The following ACSM6 variants were observed in gnomAD, a reference collection of about 807,000 sequenced individuals.
ACSM6 encodes acyl-coenzyme A synthetase ACSM6, mitochondrial.
A neutral mutation model predicts 51.1 loss-of-function variants in ACSM6; 35 were observed. That is an observed-to-expected ratio of 0.69 (90% CI 0.52 to 0.91). ACSM6 has a LOEUF of 0.91. ACSM6 is among the 40% of genes least tolerant of loss of function. ACSM6 has a pLI of 0.00. For missense variants in ACSM6, 509 were observed against 584.1 expected (o/e 0.87, Z 1.32); for synonymous variants, 172 against 207.3 (o/e 0.83, Z 1.46).
intron 2 of ACSM6, among the ~76,000 whole-genome samples, chr10:95,201,201 C>T (rs2034790880): frequency 6.6e-6 from 1 of 152,116 alleles, no homozygotes; most frequent in Non-Finnish European, 1.5e-5. Flanking sequence ...TCAGGAGGTG[C>T]ATGTGCAGGT....
At chr10:95,213,493 A>T (rs2034915292) in intron 7 of ACSM6, among the ~76,000 whole-genome samples, 1 of 152,202 alleles carries the variant, frequency 6.6e-6, no homozygotes, top group Non-Finnish European at 1.5e-5. Context: ...TGTTTATATC[A>T]TAGTGAAACT....
At chr10:95,212,203 C>T (rs910097717) in intron 6 of ACSM6, among the ~76,000 whole-genome samples, 169 bp downstream of exon 6, 3 of 152,040 alleles carry the variant, frequency 2.0e-5, no homozygotes, top group African/African-American at 7.2e-5. Context: ...CTCTCTCTTC[C>T]CTAGGGGCTT....
chr10:95,212,780 C>T lies in ACSM6; in HGVS notation c.913-78C>T, dbSNP rs570451959. 1.8e-4 allele frequency: 216 copies of T among 1,171,122 alleles called. 3 individuals carry two copies. The South Asian group carries it at 2.1e-3, about 11-fold the overall frequency. 72.5% of individuals were successfully genotyped at this position (1,171,122 alleles called of 1,614,324 possible). ...TGTGACCCTCTTCCCTGGACTTTCCCGCCTGGACCCCTGCCACAGTCTCAC... is the reference window on the plus strand; with the variant it reads ...TGTGACCCTCTTCCCTGGACTTTCCTGCCTGGACCCCTGCCACAGTCTCAC... On this transcript the variant is annotated intron_variant, in intron 6 of 10. Coordinates refer to ENST00000341686, the Ensembl canonical transcript of ACSM6.
rs111991711 is a variant in ACSM6 at position 95,217,624 on chromosome 10, A to T, written c.1120-2267A>T. Among the ~76,000 whole-genome samples the T allele has an allele frequency of 8.1e-3, 1,230 of 152,330 alleles. 26 individuals carry two copies. Among genetic ancestry groups the T allele is most frequent in the African/African-American group, 0.028 (1,177 of 41,576 alleles). On this transcript the variant is annotated intron_variant, in intron 8 of 10. Coordinates refer to ENST00000341686, the Ensembl canonical transcript of ACSM6. ...GAATTCCATAATCTTGGTAACACCA[A>T]AGCCTTTTTATAGGACTTAGTTCTG...
chr10:95,212,189 T>C (rs1450707307), intron 6 of ACSM6, among the ~76,000 whole-genome samples, 155 bp downstream of exon 6: 1 of 152,192 alleles, frequency 6.6e-6, no homozygotes. Context: ...GTGAGAGCAA[T>C]GCTCTCTCTC....
At chr10:95,226,900 T>C (rs1361129056) in intron 10 of ACSM6, among the ~76,000 whole-genome samples, 6 of 152,218 alleles carry the variant, frequency 3.9e-5, no homozygotes, top group Admixed American at 3.9e-4. Context: ...TGTCTTGTTT[T>C]ATAAAAGTGG....
rs112354911 is a variant in ACSM6, at chr10:95,202,020, G to C, written c.228G>C (p.Lys76Asn). ...GAGGGCCTTACCCCGCCCTCTGGAA[G>C]GTTAGTGCCAAAGGAGAAGAGGACA... Residue 76 changes from lysine (K) to asparagine (N), a missense_variant, in exon 3 of 11, where the codon AAG (lysine) becomes AAC (asparagine). By Grantham distance (94) the Lys-to-Asn change is moderately conservative. Coordinates refer to ENST00000341686, the Ensembl canonical transcript of ACSM6. 1.6e-3 allele frequency: 2,515 copies of C among 1,551,742 alleles called. 52 individuals are homozygous for C. In the African/African-American group the frequency reaches 0.031, roughly 19 times the overall value.
intron 2 of ACSM6, among the ~76,000 whole-genome samples, chr10:95,198,883 C>T (rs886522214): frequency 9.8e-5 from 15 of 152,300 alleles, no homozygotes; most frequent in Non-Finnish European, 2.1e-4. Context: ...ACATTCCATG[C>T]TCACGGGTAG....
chr10:95,213,935 A>C (rs756659865), intron 7 of ACSM6, among the ~76,000 whole-genome samples: 1 of 152,226 alleles, frequency 6.6e-6, no homozygotes, highest in Non-Finnish European at 1.5e-5. Flanking sequence ...CATTTTGTGG[A>C]GCAGTTAAAA....
chr10:95,201,650 TTTC>T, intron 2 of ACSM6: 1 of 484,292 alleles, frequency 2.1e-6, no homozygotes, highest in Non-Finnish European at 4.0e-6. Flanking sequence ...TATATAATGA[TTTC>T]TTTTCTTTTG....
intron 2 of ACSM6, among the ~76,000 whole-genome samples, chr10:95,196,230 C>A (rs2034723674): frequency 6.6e-6 from 1 of 152,148 alleles, no homozygotes; most frequent in Non-Finnish European, 1.5e-5. Flanking sequence ...AGACAAAGGC[C>A]CAGCTGGGCC....
At chr10:95,222,621 CAAAA>C (rs1196424902) in intron 9 of ACSM6, among the ~76,000 whole-genome samples, 1 of 85,628 alleles carries the variant, frequency 1.2e-5, no homozygotes. Context: ...AGATCTGTCT[CAAAA>C]AAAAAAAAAA....
intron 4 of ACSM6, among the ~76,000 whole-genome samples, chr10:95,208,780 T>G (rs890144349): frequency 6.6e-6 from 1 of 152,002 alleles, no homozygotes; most frequent in Non-Finnish European, 1.5e-5. Flanking sequence ...GGAAAAAGCA[T>G]AGTGTATATA....
rs926052736 is a variant in ACSM6, at chr10:95,194,455, A to G, written c.-21-10A>G. On this transcript the variant is annotated splice_polypyrimidine_tract_variant and intron_variant, in intron 1 of 10. Coordinates refer to ENST00000341686, the Ensembl canonical transcript of ACSM6. ...TCAATTACTCCCTGTCTTTTCCTCA[A>G]TTTACCTAGGTGGTTCCCTGTCTGA... The G allele has an allele frequency of 2.6e-6, 4 of 1,544,132 alleles. No homozygotes were observed. The African/African-American group carries it at 4.1e-5, about 16-fold the overall frequency.
At chr10:95,221,346 G>A (rs2034993462) in intron 9 of ACSM6, among the ~76,000 whole-genome samples, 1 of 152,124 alleles carries the variant, frequency 6.6e-6, no homozygotes, top group Non-Finnish European at 1.5e-5. Flanking sequence ...CAGCACTTTC[G>A]GAGGCCGAGG....
chr10:95,228,811 G>A, exon 11 of ACSM6: 1 of 1,543,382 alleles, frequency 6.5e-7, no homozygotes, highest in Non-Finnish European at 8.8e-7. Context: ...TATTGAGCCT[G>A]GGGCTGTGGG....
intron 3 of ACSM6, among the ~76,000 whole-genome samples, chr10:95,205,153 T>A (rs1043833985): frequency 6.6e-6 from 1 of 152,222 alleles, no homozygotes; most frequent in African/African-American, 2.4e-5. Flanking sequence ...CAACATTATA[T>A]CTGTAAACAA....
chr10:95,227,766 G>GA (rs761093950), intron 10 of ACSM6, among the ~76,000 whole-genome samples: 3 of 152,322 alleles, frequency 2.0e-5, no homozygotes, highest in South Asian at 2.1e-4. Context: ...ATGGCAATGA[G>GA]TCAAATGCTG....
At position 95,200,673 on chromosome 10, in the gene ACSM6, C is replaced by T. The variant is rs1589490773; in HGVS notation, c.193-1312C>T. Among the ~76,000 whole-genome samples, 4 of 151,158 alleles carry T rather than the reference C, an allele frequency of 2.6e-5. No individual in the cohort carries two copies. The East Asian group carries it at 7.8e-4, about 29-fold the overall frequency. On this transcript the variant is annotated intron_variant, in intron 2 of 10. Transcript: ENST00000341686. ...CAAAGTAGCAATTCTATGGGCTGCT[C>T]CAGGGTGGATGAGAAAAAGAGAAGA...
Sources: allele counts gnomAD v4.1 joint callset (sites outside exome capture counted in the v4.1 genomes callset), GRCh38; gene constraint gnomAD v4.1.1; transcripts MANE v1.5; gene names NCBI Gene and HGNC (gene_info 2026-07-23, HGNC 2026-07-21).